The following DOCK1 variants were observed in gnomAD, a reference collection of about 807,000 sequenced individuals.
The protein encoded by DOCK1 is dedicator of cytokinesis protein 1.
A neutral mutation model predicts 262.7 loss-of-function variants in DOCK1; 138 were observed. The observed-to-expected ratio is 0.53, with a 90% confidence interval of 0.46 to 0.61. The LOEUF is 0.61. Among genes scored for constraint, DOCK1 ranks in the 20% least tolerant of loss-of-function variants. The pLI, the probability that DOCK1 is intolerant of heterozygous loss-of-function variation, is 0.00. For synonymous variants in DOCK1, 866 were observed against 867.4 expected, an observed-to-expected ratio of 1.00 and a Z score of 0.03; for missense variants, 1,908 against 2,370.7, an observed-to-expected ratio of 0.80 and a Z score of 4.05.
chr10:127,445,391 G>A (rs2070470060), intron 50 of DOCK1, among the ~76,000 whole-genome samples: 1 of 152,176 alleles, frequency 6.6e-6, no homozygotes, highest in African/African-American at 2.4e-5. Flanking sequence ...TCTGGAGACT[G>A]TCAGTGGGTG....
chr10:127,033,994 C>A (rs2043414063), intron 18 of DOCK1, among the ~76,000 whole-genome samples: 1 of 152,080 alleles, frequency 6.6e-6, no homozygotes, highest in Non-Finnish European at 1.5e-5. Context: ...TATGAAGGGT[C>A]CTAGCTTGTG....
At chr10:127,343,579 A>G in intron 30 of DOCK1, 67 bp from the exon 31 acceptor site, 2 of 1,222,348 alleles carry the variant, frequency 1.6e-6, no homozygotes, top group East Asian at 2.5e-5. Flanking sequence ...TAAATGTCTG[A>G]GAGCATTGTT....
At chr10:127,293,973 C>T (rs894166456) in intron 29 of DOCK1, among the ~76,000 whole-genome samples, 6 of 152,208 alleles carry the variant, frequency 3.9e-5, no homozygotes, top group African/African-American at 1.2e-4. Flanking sequence ...ATCATGCAGG[C>T]GTACTGAGCT....
intron 23 of DOCK1, among the ~76,000 whole-genome samples, chr10:127,092,095 C>G (rs748354767): frequency 6.6e-6 from 1 of 152,200 alleles, no homozygotes; most frequent in Non-Finnish European, 1.5e-5. Context: ...CTGATGGACA[C>G]CTGTGCCCAG....
At chr10:126,934,674 C>T (rs1285714423) in intron 1 of DOCK1, among the ~76,000 whole-genome samples, 3 of 150,382 alleles carry the variant, frequency 2.0e-5, no homozygotes, top group Admixed American at 6.6e-5. Context: ...AACCTACTTT[C>T]GTACCTGCTG....
chr10:127,388,094 G>A (rs903484770), intron 38 of DOCK1, among the ~76,000 whole-genome samples: 18 of 152,160 alleles, frequency 1.2e-4, no homozygotes, highest in African/African-American at 4.1e-4. Flanking sequence ...AATCCCTGTC[G>A]TGTCCAGGTT....
At position 127,418,561 on chromosome 10, in the gene DOCK1, G is replaced by T. The variant is rs369018967; in HGVS notation, c.4692+20G>T. On this transcript the variant is annotated intron_variant, in intron 45 of 51. Coordinates refer to ENST00000623213, the MANE Select transcript of DOCK1 (RefSeq NM_001290223.2). ...GAAAAGGTACGGGACCCACCAGCTT[G>T]CTCTGGGCAAGCAGTCCTGCCCGGG... is the stretch of plus-strand genomic sequence containing the variant. 6.8e-6 allele frequency: 11 copies of T among 1,606,138 alleles called. No homozygotes were observed. The highest frequency in any genetic ancestry group is 2.7e-5 in the African/African-American group (2 of 74,764).
intron 10 of DOCK1, among the ~76,000 whole-genome samples, chr10:127,003,421 G>T (rs147264711): frequency 6.6e-6 from 1 of 152,238 alleles, no homozygotes; most frequent in Non-Finnish European, 1.5e-5. Flanking sequence ...GTTTTCCTCT[G>T]TGGGAAGATT....
intron 10 of DOCK1, among the ~76,000 whole-genome samples, chr10:127,003,325 C>T (rs2040742189): frequency 6.6e-6 from 1 of 151,746 alleles, no homozygotes; most frequent in Non-Finnish European, 1.5e-5. Context: ...CTTTATGAAC[C>T]TGTGTGAACC....
intron 27 of DOCK1, among the ~76,000 whole-genome samples, chr10:127,205,283 T>C (rs1009317058): frequency 1.3e-5 from 2 of 152,216 alleles, no homozygotes; most frequent in African/African-American, 4.8e-5. Context: ...TGGGTGTTAA[T>C]GAACATTTTC....
At chr10:127,218,293 A>G (rs988290383) in intron 27 of DOCK1, among the ~76,000 whole-genome samples, 5 of 152,250 alleles carry the variant, frequency 3.3e-5, no homozygotes, top group Admixed American at 6.5e-5. Flanking sequence ...TACACCAGCA[A>G]TGGTAGAGCC....
Position 127,175,402 on chromosome 10 carries a change from C to T in DOCK1, c.2847+47638C>T. On this transcript the variant is annotated intron_variant, in intron 27 of 51. Coordinates refer to ENST00000623213, the MANE Select transcript of DOCK1 (RefSeq NM_001290223.2). The surrounding 1 kb of genome is among the most constrained non-coding windows in gnomAD (Gnocchi z 6.3). ...ACCGCTGTGGGACTAGGCTGGTTCC[C>T]CAGCCCCGGCGGGGTGTGAGTCTGC... The T allele has an allele frequency of 3.1e-6, 5 of 1,613,640 alleles. No individual in the cohort carries two copies. The highest frequency in any genetic ancestry group is 4.2e-6 in the Non-Finnish European group (5 of 1,180,044).
intron 49 of DOCK1, among the ~76,000 whole-genome samples, chr10:127,440,000 G>A (rs78977023): frequency 0.046 from 6,972 of 152,154 alleles, 211 homozygotes; most frequent in Middle Eastern, 0.14. Flanking sequence ...CTGAGCCTGC[G>A]TCATTTATGA....
At chr10:127,104,188 T>C (rs1033372302) in intron 23 of DOCK1, among the ~76,000 whole-genome samples, 3 of 152,200 alleles carry the variant, frequency 2.0e-5, no homozygotes, top group East Asian at 1.9e-4. Flanking sequence ...TTAGCAGATA[T>C]ATGATCTCCA....
At chr10:127,431,395 C>G (rs1248092041) in intron 47 of DOCK1, among the ~76,000 whole-genome samples, 1 of 152,220 alleles carries the variant, frequency 6.6e-6, no homozygotes, top group Admixed American at 6.5e-5. Context: ...ATCCTCCTGC[C>G]AACCCCCTTC....
intron 18 of DOCK1, among the ~76,000 whole-genome samples, chr10:127,036,645 C>T (rs1003510506): frequency 1.3e-5 from 2 of 151,954 alleles, no homozygotes; most frequent in African/African-American, 4.8e-5. Context: ...TATGTACTTT[C>T]CTAGAGAGCT....
intron 1 of DOCK1, among the ~76,000 whole-genome samples, chr10:126,920,987 A>G (rs2033129789): frequency 1.3e-5 from 2 of 152,166 alleles, no homozygotes; most frequent in African/African-American, 4.8e-5. Flanking sequence ...ACCTGAGGTC[A>G]GGAGTTTGAG....
At position 127,037,247 on chromosome 10, in the gene DOCK1, G is replaced by A. The variant is rs540166274; in HGVS notation, c.1913-472G>A. On this transcript the variant is annotated intron_variant, in intron 18 of 51. Transcript: ENST00000623213. ...GTTGTCCAGAGCTACTGTAGCTGTG[G>A]GGACTCTTAACCTTGCAGTCTCAGT... Among the ~76,000 whole-genome samples, 10 of 152,246 alleles carry A rather than the reference G, an allele frequency of 6.6e-5. No individual in the cohort carries two copies. In the East Asian group the frequency reaches 1.4e-3, roughly 21 times the overall value.
chr10:127,056,503 G>T (rs2045156301), intron 22 of DOCK1, among the ~76,000 whole-genome samples: 1 of 152,020 alleles, frequency 6.6e-6, no homozygotes, highest in African/African-American at 2.4e-5. Context: ...ACTGATTCTG[G>T]GGATGTTGAT....
Sources: gnomAD v4.1 joint callset for allele counts (sites outside exome capture counted in the v4.1 genomes callset) on GRCh38, gnomAD v4.1.1 for gene constraint, Gnocchi (gnomAD v3.1) non-coding constraint, MANE v1.5 for transcripts, NCBI Gene and HGNC (gene_info 2026-07-23, HGNC 2026-07-21) for gene names.